SSTR3: variants seen among roughly 807,000 people sequenced by gnomAD.
SSTR3 encodes the protein somatostatin receptor 3.
For missense variants in SSTR3, 504 were observed against 604.7 expected (o/e 0.83, Z 1.75); for synonymous variants, 281 against 269.2 (o/e 1.04, Z -0.43).
At chr22:37,210,949 T>G (rs1053470761) in intron 1 of SSTR3, 1 of 985,340 alleles carries the variant, frequency 1.0e-6, no homozygotes, top group African/African-American at 1.7e-5. Flanking sequence ...TGTCCCCGGA[T>G]GGAAGCCTCA....
chr22:37,212,714 C>T (rs1926266475), upstream of SSTR3, among the ~76,000 whole-genome samples: 1 of 152,134 alleles, frequency 6.6e-6, no homozygotes, highest in Non-Finnish European at 1.5e-5. Context: ...GAGGCCACTG[C>T]GGCACAGGTC....
chr22:37,213,753 G>A (rs1029903320), upstream of SSTR3, among the ~76,000 whole-genome samples: 6 of 152,132 alleles, frequency 3.9e-5, no homozygotes, highest in African/African-American at 7.2e-5. Context: ...CCCTACCCAC[G>A]GCTTCTCACT....
At chr22:37,213,647 T>C (rs562491731), upstream of SSTR3, among the ~76,000 whole-genome samples, 2 of 152,218 alleles carry the variant, frequency 1.3e-5, no homozygotes, top group Admixed American at 6.5e-5. Context: ...CAGCCTCCCA[T>C]TGTCCTTGTC....
chr22:37,206,857 AG>A lies in SSTR3; in HGVS notation c.946del (p.Leu316SerfsTer55). 1 of 1,613,278 alleles carries A rather than the reference AG, an allele frequency of 6.2e-7. No individual in the cohort carries two copies. Among genetic ancestry groups the A allele is most frequent in the Non-Finnish European group, 8.5e-7 (1 of 1,180,012 alleles). On this transcript the variant is annotated frameshift_variant, in exon 2 of 2. Coordinates refer to ENST00000610913, the MANE Select transcript of SSTR3 (RefSeq NM_001051.5). LOFTEE classifies it low-confidence loss of function (END_TRUNC). ...GAAGCCCTGCTTGAAGCGGTAGGAG[AG>A]GAAGCCATAAAGGATGGGGTTGGCA... Reference protein sequence around the residue: ...SCANPILYGFLSYRFKQGFRR... With the variant: ...SCANPILYGFXSYRFKQGFRR...
rs1045927279 is a variant in SSTR3 at position 37,206,865 on chromosome 22, A to G, written c.939T>C (p.Tyr313=). Residue 313 remains tyrosine, a synonymous_variant, in exon 2 of 2, where the codon TAT becomes TAC. Coordinates refer to ENST00000610913, the MANE Select transcript of SSTR3 (RefSeq NM_001051.5). ...YANSCANPIL[Y]GFLSYRFKQG... ...GCTTGAAGCGGTAGGAGAGGAAGCC[A>G]TAAAGGATGGGGTTGGCACAGCTGT... 3.1e-6 allele frequency: 5 copies of G among 1,613,392 alleles called. No individual in the cohort carries two copies. The highest frequency in any genetic ancestry group is 4.2e-6 in the Non-Finnish European group (5 of 1,180,032).
intron 1 of SSTR3, chr22:37,210,467 G>A (rs563472756): frequency 2.8e-5 from 27 of 962,338 alleles, no homozygotes; most frequent in Admixed American, 1.2e-4. Flanking sequence ...TATCTCAGCC[G>A]GTCTTCCCTG....
rs552460545 is a variant in SSTR3 at position 37,206,904 on chromosome 22, C to G, written c.900G>C (p.Ala300=). The G allele has an allele frequency of 1.9e-6, 3 of 1,613,566 alleles. No individual in the cohort carries two copies. The highest frequency in any genetic ancestry group is 2.5e-6 in the Non-Finnish European group (3 of 1,180,030). Residue 300 remains alanine (A), a synonymous_variant, in exon 2 of 2, where the codon GCG becomes GCC. Coordinates refer to ENST00000610913, the MANE Select transcript of SSTR3 (RefSeq NM_001051.5). ...AFFGLYFLVV[A]LPYANSCANP... is the part of the protein sequence containing the mutation. ...TGGCACAGCTGTTGGCATAGGGCAGCGCCACCACCAGGAAGTAGAGCCCAA... is the reference window on the plus strand; with the variant it reads ...TGGCACAGCTGTTGGCATAGGGCAGGGCCACCACCAGGAAGTAGAGCCCAA...
intron 1 of SSTR3, among the ~76,000 whole-genome samples, chr22:37,209,074 G>A (rs1310047016): frequency 6.6e-6 from 1 of 152,214 alleles, no homozygotes; most frequent in Non-Finnish European, 1.5e-5. Flanking sequence ...GATTCTCCCT[G>A]CAGAAAACCC....
chr22:37,218,809 G>T, the SSTR3 span, among the ~76,000 whole-genome samples: 104 of 152,222 alleles, frequency 6.8e-4, no homozygotes, highest in African/African-American at 2.0e-3. Flanking sequence ...GAAGACCTGG[G>T]GTGGTGCTGG....
Position 37,207,221 on chromosome 22 carries a change from A to G in SSTR3, c.583T>C (p.Trp195Arg). 1.2e-6 allele frequency: 2 copies of G among 1,609,946 alleles called. No individual in the cohort carries two copies. Among genetic ancestry groups the G allele is most frequent in the Non-Finnish European group, 1.7e-6 (2 of 1,178,482 alleles). Residue 195 changes from tryptophan (W) to arginine (R), a missense_variant, in exon 2 of 2, where the codon TGG becomes CGG. Transcript: ENST00000610913. Reference protein sequence around the residue: ...PRGMSTCHMQWPEPAAAWRAG... With the variant: ...PRGMSTCHMQRPEPAAAWRAG... ...CGCCAGGCCGCCGCCGGCTCGGGCC[A>G]CTGCATGTGGCAGGTGCTCATGCCG...
In SSTR3 at chr22:37,211,789, C is replaced by T. The variant is rs182429152; in HGVS notation, c.-37+36G>A. ...CAGAGGATGGGCTTCCAGGACCCCA[C>T]CCTTCGGGACATCATCCGGGCCCCA... On this transcript the variant is annotated intron_variant, in intron 1 of 1. Coordinates refer to ENST00000610913, the MANE Select transcript of SSTR3 (RefSeq NM_001051.5). 162 of 985,534 alleles carry T rather than the reference C, an allele frequency of 1.6e-4. 1 individual carries two copies. The East Asian group carries it at 0.014, about 83-fold the overall frequency. 61.0% of individuals were successfully genotyped at this position (985,534 alleles called of 1,614,324 possible).
rs778916330 is a variant in SSTR3, at chr22:37,207,810, G to C, written c.-7C>G. Reference sequence around the variant, plus strand: ...ATGGATGAAGCATGTCCATGGCTGAGGGGAGGGTGGTCAGCAGTCAGCTAT... The same window carrying C: ...ATGGATGAAGCATGTCCATGGCTGACGGGAGGGTGGTCAGCAGTCAGCTAT... On this transcript the variant is annotated 5_prime_UTR_variant, in exon 2 of 2. Coordinates refer to ENST00000610913, the MANE Select transcript of SSTR3 (RefSeq NM_001051.5). 31 of 1,498,496 alleles carry C rather than the reference G, an allele frequency of 2.1e-5. No homozygotes were observed. Among genetic ancestry groups the C allele is most frequent in the Non-Finnish European group, 2.6e-5 (29 of 1,124,590 alleles). The allele number at this position is 1,498,496 out of a possible 1,614,324, so 92.8% of individuals were successfully genotyped here.
upstream of SSTR3, among the ~76,000 whole-genome samples, chr22:37,214,076 T>A (rs1456996454): frequency 6.6e-6 from 1 of 152,130 alleles, no homozygotes; most frequent in African/African-American, 2.4e-5. Flanking sequence ...TGAATGCTCA[T>A]CAGTGTGCCC....
upstream of SSTR3, among the ~76,000 whole-genome samples, chr22:37,216,216 A>T (rs1428095417): frequency 7.8e-6 from 1 of 128,576 alleles, no homozygotes; most frequent in Admixed American, 8.5e-5. Flanking sequence ...CCCACAGGTA[A>T]TCCCACCCGC....
chr22:37,212,477 T>C lies in SSTR3; in HGVS notation c.-689A>G, dbSNP rs530127079. ...GACATGGAGCCCGTGAAGGAGGGAG[T>C]AAGCAGGGAGGGGCTGAGGGCCGGA... On this transcript the variant is annotated 5_prime_UTR_variant, in exon 1 of 2. Coordinates refer to ENST00000610913, the MANE Select transcript of SSTR3 (RefSeq NM_001051.5). 6.3e-5 allele frequency among the ~76,000 whole-genome samples: 7 copies of C among 110,970 alleles called. No individual in the cohort carries two copies. The highest frequency in any genetic ancestry group is 2.1e-4 in the African/African-American group (6 of 28,002). The allele number at this position is 110,970 out of a possible 152,430, so 72.8% of individuals were successfully genotyped here.
At chr22:37,211,795 G>A (rs950161906) in intron 1 of SSTR3, 30 bp downstream of exon 1, 13 of 985,290 alleles carry the variant, frequency 1.3e-5, no homozygotes, top group Middle Eastern at 5.2e-4. Flanking sequence ...CCCACCCTTC[G>A]GGACATCATC....
the SSTR3 span, among the ~76,000 whole-genome samples, chr22:37,219,574 G>A: frequency 0.19 from 29,306 of 152,068 alleles, 3,323 homozygotes; most frequent in African/African-American, 0.31. Context: ...CCAAATGTCA[G>A]TATCTCTCTG....
Position 37,207,794 on chromosome 22 carries a change from G to A in SSTR3, c.10C>T (p.Leu4Phe), listed in dbSNP as rs750747193. Residue 4 changes from leucine (L) to phenylalanine (F), a missense_variant, in exon 2 of 2, where the codon CTT becomes TTT. Coordinates refer to ENST00000610913, the MANE Select transcript of SSTR3 (RefSeq NM_001051.5). ...GTCGTGGACACCGATGATGGATGAA[G>A]CATGTCCATGGCTGAGGGGAGGGTG... MDM[L>F]HPSSVSTTSE... The A allele has an allele frequency of 4.0e-6, 6 of 1,509,678 alleles. No homozygotes were observed. The highest frequency in any genetic ancestry group is 2.7e-5 in the South Asian group (2 of 74,530). 93.5% of individuals were successfully genotyped at this position (1,509,678 alleles called of 1,614,324 possible). A position where few individuals can be genotyped will look rare whatever the true frequency, so the allele number is the denominator to read the frequency against.
In SSTR3 at chr22:37,205,284, C is replaced by T. The variant is rs1925655585; in HGVS notation, c.*1263G>A. On this transcript the variant is annotated 3_prime_UTR_variant, in exon 2 of 2. Transcript: ENST00000610913. ...ATTTGCCATTGCACCCTGGCTGTTC[C>T]ACCCTGATCGTGTCCTTCCCTCAGT... 1 of 152,702 alleles carries T rather than the reference C, an allele frequency of 6.5e-6. No homozygotes were observed. Among genetic ancestry groups the T allele is most frequent in the Non-Finnish European group, 1.5e-5 (1 of 68,398 alleles). The allele number at this position is 152,702 out of a possible 1,614,324, so 9.5% of individuals were successfully genotyped here.
Sources: allele counts gnomAD v4.1 joint callset (sites outside exome capture counted in the v4.1 genomes callset), GRCh38; gene constraint gnomAD v4.1.1; transcripts MANE v1.5; gene names NCBI Gene and HGNC (gene_info 2026-07-23, HGNC 2026-07-21).